WDPCP: variants seen among roughly 807,000 people sequenced by gnomAD.
The protein encoded by WDPCP is WD repeat-containing and planar cell polarity effector protein fritz homolog.
In WDPCP, 71 loss-of-function variants were observed where a neutral mutation model predicts 93.1. The observed-to-expected ratio is 0.76, with a 90% CI of 0.63 to 0.93. The LOEUF (loss-of-function observed/expected upper bound fraction) is 0.93, where lower values mean the gene tolerates loss of function less well. Ranked by LOEUF, WDPCP falls within the 40% of genes least tolerant of loss-of-function variation. The pLI, the probability that WDPCP is intolerant of heterozygous loss-of-function variation, is 0.00. For missense variants in WDPCP, 844 were observed against 887.4 expected (o/e 0.95, Z 0.62); for synonymous variants, 315 against 315.0 (o/e 1.00, Z 0.00).
chr2:63,154,111 T>A (rs1249004750), intron 15 of WDPCP, among the ~76,000 whole-genome samples: 2 of 152,050 alleles, frequency 1.3e-5, no homozygotes, highest in East Asian at 3.9e-4. Context: ...TGTGGTCTTG[T>A]GAAATTTCAT....
rs140186476 is a variant in WDPCP, at chr2:63,683,191, C to T, written n.309-32353G>A. On this transcript the variant is annotated intron_variant and non_coding_transcript_variant, in intron 2 of 4. Transcript: ENST00000467687. ...AGGAGGGAAAAAAGGATGAGAAGAC[C>T]ACAAAACAACCAGAAAACAAATAGC... Among the ~76,000 whole-genome samples, 266 of 152,090 alleles carry T rather than the reference C, an allele frequency of 1.7e-3. 2 individuals are homozygous for T. Among genetic ancestry groups the T allele is most frequent in the African/African-American group, 6.0e-3 (249 of 41,526 alleles).
intron 1 of WDPCP, among the ~76,000 whole-genome samples, chr2:63,581,955 C>T (rs1164110787): frequency 1.3e-5 from 2 of 150,564 alleles, no homozygotes; most frequent in East Asian, 3.9e-4. Flanking sequence ...CTGCACTGGC[C>T]ACTAGCTCTA....
chr2:63,662,046 G>A (rs1000628053), intron 2 of WDPCP, among the ~76,000 whole-genome samples: 1 of 152,156 alleles, frequency 6.6e-6, no homozygotes, highest in African/African-American at 2.4e-5. Flanking sequence ...GATGAAATTG[G>A]AATGGATCAT....
At chr2:63,202,870 A>G (rs1452066201) in intron 14 of WDPCP, among the ~76,000 whole-genome samples, 3 of 151,972 alleles carry the variant, frequency 2.0e-5, no homozygotes, top group African/African-American at 7.3e-5. Context: ...CTGTGTATCT[A>G]TCTGTGTATC....
At chr2:63,374,381 T>C (rs763348020) in intron 12 of WDPCP, among the ~76,000 whole-genome samples, 9 of 152,152 alleles carry the variant, frequency 5.9e-5, no homozygotes, top group Non-Finnish European at 1.3e-4. Flanking sequence ...TCAATAAATA[T>C]TTTGAATATA....
chr2:63,669,123 C>T (rs929541128), intron 2 of WDPCP, among the ~76,000 whole-genome samples: 8 of 152,128 alleles, frequency 5.3e-5, no homozygotes, highest in African/African-American at 1.9e-4. Context: ...ATAGTGATGT[C>T]CCAAGATCCA....
At chr2:63,405,564 TGTGTGTG>T (rs1214239015) in intron 9 of WDPCP, among the ~76,000 whole-genome samples, 1 of 150,630 alleles carries the variant, frequency 6.6e-6, no homozygotes, top group Non-Finnish European at 1.5e-5. Context: ...TGTGTGTGTG[TGTGTGTG>T]TGTGTGTGTG....
intron 1 of WDPCP, among the ~76,000 whole-genome samples, chr2:63,542,408 C>T (rs1391065576): frequency 6.6e-6 from 1 of 152,136 alleles, no homozygotes; most frequent in Non-Finnish European, 1.5e-5. Context: ...TTTAAAAGAA[C>T]GATTTCTGAG....
At chr2:63,833,445 T>G in the WDPCP span, among the ~76,000 whole-genome samples, 1 of 152,192 alleles carries the variant, frequency 6.6e-6, no homozygotes, top group Non-Finnish European at 1.5e-5. Flanking sequence ...AAACTCTGCT[T>G]TTTCCAATGT....
chr2:63,129,962 G>GT (rs958665017), intron 17 of WDPCP, among the ~76,000 whole-genome samples: 15 of 152,102 alleles, frequency 9.9e-5, no homozygotes, highest in African/African-American at 3.6e-4. Context: ...AGGACAGATG[G>GT]TTTTTTTCCC....
intron 15 of WDPCP, among the ~76,000 whole-genome samples, chr2:63,174,143 T>C (rs1346596998): frequency 6.6e-6 from 1 of 152,138 alleles, no homozygotes; most frequent in African/African-American, 2.4e-5. Flanking sequence ...AGAGAATCAT[T>C]ATCATAATTA....
chr2:63,246,562 G>A (rs1240776947), intron 14 of WDPCP, among the ~76,000 whole-genome samples: 3 of 152,188 alleles, frequency 2.0e-5, no homozygotes, highest in Admixed American at 2.0e-4. Context: ...AAGCATGGGT[G>A]CAGAAGGTTT....
chr2:63,303,279 T>A (rs1315196255), intron 13 of WDPCP, among the ~76,000 whole-genome samples: 1 of 152,120 alleles, frequency 6.6e-6, no homozygotes, highest in East Asian at 1.9e-4. Context: ...TCTAGGGGCC[T>A]AAGGAGTTGT....
intron 9 of WDPCP, among the ~76,000 whole-genome samples, chr2:63,407,964 C>G (rs937603183): frequency 3.9e-5 from 6 of 152,164 alleles, no homozygotes; most frequent in African/African-American, 1.4e-4. Context: ...TGGACTTGAA[C>G]AAGTTACGTT....
At position 63,401,385 on chromosome 2, in the gene WDPCP, A is replaced by G. The variant is rs546893825; in HGVS notation, c.1435+2663T>C. On this transcript the variant is annotated intron_variant, in intron 10 of 17. Coordinates refer to ENST00000272321, the MANE Select transcript of WDPCP (RefSeq NM_015910.7). Reference sequence around the variant, plus strand: ...GAAGACATTTATGCAGCCAACAAACATATGAAAAAAAGCTCATCATCACCG... The same window carrying G: ...GAAGACATTTATGCAGCCAACAAACGTATGAAAAAAAGCTCATCATCACCG... Among the ~76,000 whole-genome samples the G allele has an allele frequency of 1.6e-4, 25 of 152,354 alleles. No homozygotes were observed. In the South Asian group the frequency reaches 5.0e-3, roughly 30 times the overall value.
chr2:63,726,424 A>G (rs1669498060), intron 2 of WDPCP, among the ~76,000 whole-genome samples: 2 of 152,102 alleles, frequency 1.3e-5, no homozygotes, highest in South Asian at 2.1e-4. Context: ...TTTTTGTACC[A>G]TATCATGCTG....
intron 12 of WDPCP, among the ~76,000 whole-genome samples, chr2:63,361,339 T>C (rs527518679): frequency 6.6e-6 from 1 of 152,288 alleles, no homozygotes. Context: ...CATGTATAAA[T>C]TGGAATATTC....
upstream of WDPCP, among the ~76,000 whole-genome samples, chr2:63,591,867 CTT>C (rs905811224): frequency 3.3e-5 from 5 of 152,190 alleles, no homozygotes; most frequent in African/African-American, 9.7e-5. Context: ...TGTGTTAACT[CTT>C]TTAATCCTTA....
At chr2:63,434,912 A>G (rs1008460240) in intron 8 of WDPCP, among the ~76,000 whole-genome samples, 36 of 152,270 alleles carry the variant, frequency 2.4e-4, no homozygotes, top group African/African-American at 8.2e-4. Flanking sequence ...TATGTATTGT[A>G]TTTAGTAAAT....
Sources: gnomAD v4.1 joint callset for allele counts (sites outside exome capture counted in the v4.1 genomes callset) on GRCh38, gnomAD v4.1.1 for gene constraint, MANE v1.5 for transcripts, NCBI Gene and HGNC (gene_info 2026-07-23, HGNC 2026-07-21) for gene names.